The following ANKS1B variants were observed in gnomAD, a reference collection of about 807,000 sequenced individuals.
ANKS1B encodes the protein ankyrin repeat and sterile alpha motif domain containing 1B, also known as ankyrin repeat and sterile alpha motif domain-containing protein 1B.
In ANKS1B, 36 loss-of-function variants were observed where a neutral mutation model predicts 148.3. That is an observed-to-expected ratio of 0.24 (90% CI 0.19 to 0.32). ANKS1B has a LOEUF of 0.32. ANKS1B is among the 10% of genes least tolerant of loss of function. ANKS1B has a pLI of 1.00. For missense variants in ANKS1B, 1,157 were observed against 1,542.6 expected, an observed-to-expected ratio of 0.75 and a Z score of 4.19; for synonymous variants, 542 against 560.8, an observed-to-expected ratio of 0.97 and a Z score of 0.47.
chr12:99,043,365 C>T (rs992180499), intron 17 of ANKS1B, among the ~76,000 whole-genome samples: 1 of 152,176 alleles, frequency 6.6e-6, no homozygotes, highest in Non-Finnish European at 1.5e-5. Context: ...AAATAAAACT[C>T]TCTTGACTCA....
chr12:99,633,030 T>C (rs1430916253), intron 9 of ANKS1B, among the ~76,000 whole-genome samples: 2 of 149,726 alleles, frequency 1.3e-5, no homozygotes, highest in South Asian at 2.1e-4. Context: ...GTCCTTGCAA[T>C]AGTTTGCTGA....
At chr12:99,861,854 A>C (rs2153718729) in intron 1 of ANKS1B, among the ~76,000 whole-genome samples, 1 of 151,092 alleles carries the variant, frequency 6.6e-6, no homozygotes, top group East Asian at 2.0e-4. Context: ...GTTATACGAA[A>C]GTGAATGTTC....
At chr12:98,870,490 T>C (rs1188328309) in intron 17 of ANKS1B, among the ~76,000 whole-genome samples, 1 of 152,226 alleles carries the variant, frequency 6.6e-6, no homozygotes, top group Non-Finnish European at 1.5e-5. Context: ...TTTTCTTTTC[T>C]TTGCTATTTA....
intron 1 of ANKS1B, among the ~76,000 whole-genome samples, chr12:99,981,785 G>A (rs2095705956): frequency 6.6e-6 from 1 of 151,956 alleles, no homozygotes; most frequent in Non-Finnish European, 1.5e-5. Context: ...CTTAGCATAG[G>A]GTCTGACACC....
rs578107939 is a variant in ANKS1B at position 98,814,128 on chromosome 12, C to T, written c.3067-6210G>A. Among the ~76,000 whole-genome samples, 12 of 152,166 alleles carry T rather than the reference C, an allele frequency of 7.9e-5. No individual in the cohort carries two copies. In the South Asian group the frequency reaches 2.5e-3, roughly 32 times the overall value. On this transcript the variant is annotated intron_variant, in intron 19 of 26. Coordinates refer to ENST00000683438, the MANE Select transcript of ANKS1B (RefSeq NM_001352186.2). ...CTCCTGACCTCAGGTGATCTGCCTG[C>T]CTCGGCCTCCCAAAGTGCTTGGATT...
At chr12:98,996,187 A>T (rs1209903947) in intron 17 of ANKS1B, among the ~76,000 whole-genome samples, 1 of 152,108 alleles carries the variant, frequency 6.6e-6, no homozygotes, top group East Asian at 1.9e-4. Context: ...TAAAAGAAAG[A>T]CCTGAAAGGG....
intron 8 of ANKS1B, among the ~76,000 whole-genome samples, chr12:99,716,418 C>T (rs567630116): frequency 6.6e-6 from 1 of 152,082 alleles, no homozygotes; most frequent in African/African-American, 2.4e-5. Context: ...CTGGGCTTGC[C>T]TCCTTCACTA....
intron 12 of ANKS1B, among the ~76,000 whole-genome samples, chr12:99,385,790 G>T (rs1211518558): frequency 6.6e-6 from 1 of 152,036 alleles, no homozygotes; most frequent in Non-Finnish European, 1.5e-5. Flanking sequence ...AAACAGACCT[G>T]AACATTTCCT....
intron 11 of ANKS1B, among the ~76,000 whole-genome samples, chr12:99,439,950 GGTAA>G (rs780514587): frequency 7.2e-5 from 11 of 151,762 alleles, no homozygotes; most frequent in Middle Eastern, 3.4e-3. Context: ...TTAATCCAAT[GGTAA>G]ACCACTTACC....
intron 4 of ANKS1B, among the ~76,000 whole-genome samples, chr12:99,785,232 CA>C: frequency 6.8e-6 from 1 of 146,294 alleles, no homozygotes; most frequent in Non-Finnish European, 1.5e-5. Flanking sequence ...CTTCTTCTCT[CA>C]AGAATCTAAC....
intron 17 of ANKS1B, among the ~76,000 whole-genome samples, chr12:98,853,294 T>C (rs2099541837): frequency 1.3e-5 from 2 of 152,352 alleles, no homozygotes; most frequent in South Asian, 4.1e-4. Flanking sequence ...TCCTATCAGT[T>C]GTCTGCAGAG....
chr12:99,782,253 A>C (rs2064415113), intron 4 of ANKS1B, among the ~76,000 whole-genome samples, 156 bp from the exon 5 acceptor site: 1 of 152,236 alleles, frequency 6.6e-6, no homozygotes, highest in Admixed American at 6.5e-5. Flanking sequence ...AGAGATTCTA[A>C]AAGCAAAATC....
At chr12:99,063,547 G>C (rs2153565843) in intron 16 of ANKS1B, among the ~76,000 whole-genome samples, 1 of 152,302 alleles carries the variant, frequency 6.6e-6, no homozygotes, top group South Asian at 2.1e-4. Flanking sequence ...CCAGAAAAAA[G>C]TCTACCTATC....
intron 8 of ANKS1B, among the ~76,000 whole-genome samples, chr12:99,761,705 A>G (rs1055510009): frequency 6.6e-6 from 1 of 152,118 alleles, no homozygotes; most frequent in Non-Finnish European, 1.5e-5. Flanking sequence ...TGGAGCCATC[A>G]TGCAAGAGGA....
chr12:99,057,175 TC>T (rs2040495404), intron 16 of ANKS1B, among the ~76,000 whole-genome samples: 1 of 152,250 alleles, frequency 6.6e-6, no homozygotes, highest in Non-Finnish European at 1.5e-5. Flanking sequence ...TGTTGGGTGA[TC>T]TTTGGCAAGT....
intron 1 of ANKS1B, among the ~76,000 whole-genome samples, chr12:99,890,459 C>G (rs924623196): frequency 2.0e-5 from 3 of 152,130 alleles, no homozygotes; most frequent in African/African-American, 7.2e-5. Flanking sequence ...AACATCAACT[C>G]TTTCCTGAAT....
At chr12:99,447,563 T>C (rs1185343803) in intron 10 of ANKS1B, among the ~76,000 whole-genome samples, 3 of 152,098 alleles carry the variant, frequency 2.0e-5, no homozygotes, top group Non-Finnish European at 2.9e-5. Flanking sequence ...ATTTTTTGGC[T>C]ATGACCTCAA....
At chr12:99,539,052 C>T (rs375993889) in intron 9 of ANKS1B, among the ~76,000 whole-genome samples, 62 of 152,102 alleles carry the variant, frequency 4.1e-4, no homozygotes, top group African/African-American at 1.2e-3. Context: ...GATTTGTGTA[C>T]GTTGAATCAT....
intron 9 of ANKS1B, among the ~76,000 whole-genome samples, chr12:99,622,261 A>C (rs2098062479): frequency 6.6e-6 from 1 of 152,092 alleles, no homozygotes; most frequent in Non-Finnish European, 1.5e-5. Flanking sequence ...AGGAAAGTTT[A>C]TAGCACTAAT....
Sources: gnomAD v4.1 joint callset for allele counts (sites outside exome capture counted in the v4.1 genomes callset) on GRCh38, gnomAD v4.1.1 for gene constraint, MANE v1.5 for transcripts, NCBI Gene and HGNC (gene_info 2026-07-23, HGNC 2026-07-21) for gene names.